Variants in UTRN observed in about 807,000 individuals in gnomAD.
UTRN encodes the protein dystrophin-related protein 1.
A neutral mutation model predicts 463.9 loss-of-function variants in UTRN; 283 were observed. The ratio of observed to expected loss-of-function variants is 0.61; its 90% CI spans 0.55 to 0.67. The LOEUF is 0.67. UTRN is among the 30% of genes least tolerant of loss of function. The pLI, the probability that UTRN is intolerant of heterozygous loss-of-function variation, is 0.00. For missense variants in UTRN, 3,922 were observed against 4,084.3 expected (o/e 0.96, Z 1.08); for synonymous variants, 1,442 against 1,431.5 (o/e 1.01, Z -0.17).
chr6:144,565,241 A>G (rs892219312), intron 50 of UTRN, among the ~76,000 whole-genome samples: 4 of 152,210 alleles, frequency 2.6e-5, no homozygotes, highest in African/African-American at 9.6e-5. Flanking sequence ...GAATTGGGAA[A>G]GGATGTGGGA....
chr6:144,536,602 C>T (rs1023408911), intron 43 of UTRN, among the ~76,000 whole-genome samples: 14 of 151,716 alleles, frequency 9.2e-5, no homozygotes, highest in Admixed American at 2.6e-4. Context: ...ATGTATTGCA[C>T]GATTATGTGA....
chr6:144,419,832 G>A (rs897749996), intron 3 of UTRN, among the ~76,000 whole-genome samples: 6 of 152,004 alleles, frequency 3.9e-5, no homozygotes, highest in African/African-American at 9.7e-5. Flanking sequence ...CTTACACATC[G>A]CACTGTAATT....
intron 51 of UTRN, among the ~76,000 whole-genome samples, chr6:144,672,252 G>A (rs1439528531): frequency 6.6e-6 from 1 of 151,208 alleles, no homozygotes; most frequent in Non-Finnish European, 1.5e-5. Context: ...TTCTTTGAAT[G>A]TCTGATAGAA....
intron 2 of UTRN, among the ~76,000 whole-genome samples, chr6:144,299,553 G>A (rs1805045470): frequency 6.6e-6 from 1 of 151,946 alleles, no homozygotes; most frequent in South Asian, 2.1e-4. Flanking sequence ...TTGGCCCATT[G>A]AACCAGAAGA....
At chr6:144,602,292 C>T (rs1180947890) in intron 51 of UTRN, among the ~76,000 whole-genome samples, 2 of 151,764 alleles carry the variant, frequency 1.3e-5, no homozygotes, top group Admixed American at 6.6e-5. Flanking sequence ...CCACCAGTCC[C>T]GGCTGATTTT....
At chr6:144,559,678 G>A (rs116023929) in intron 50 of UTRN, among the ~76,000 whole-genome samples, 1,645 of 151,968 alleles carry the variant, frequency 0.011, 25 homozygotes, top group African/African-American at 0.037. Flanking sequence ...TTACATTATC[G>A]CTTCCCTAAG....
chr6:144,334,981 A>G (rs1776613481), intron 2 of UTRN, among the ~76,000 whole-genome samples: 1 of 152,260 alleles, frequency 6.6e-6, no homozygotes, highest in South Asian at 2.1e-4. Context: ...AGAGATCTCT[A>G]AAAGTGAATA....
At chr6:144,370,291 G>C (rs967749626) in intron 2 of UTRN, among the ~76,000 whole-genome samples, 2 of 152,204 alleles carry the variant, frequency 1.3e-5, no homozygotes, top group Non-Finnish European at 2.9e-5. Flanking sequence ...GCTTTGTGCA[G>C]TCCTGGGACT....
At chr6:144,552,955 A>G (rs1225409257) in intron 48 of UTRN, among the ~76,000 whole-genome samples, 1 of 152,280 alleles carries the variant, frequency 6.6e-6, no homozygotes, top group Non-Finnish European at 1.5e-5. Flanking sequence ...CAGCTAAGAC[A>G]GAATGAAACA....
At position 144,700,358 on chromosome 6, in the gene UTRN, C is replaced by G. The variant is rs890625219; in HGVS notation, c.7809+115C>G. 4.4e-4 allele frequency: 530 copies of G among 1,191,866 alleles called. 1 individual carries two copies. The highest frequency in any genetic ancestry group is 5.5e-4 in the Non-Finnish European group (494 of 892,090). The allele number at this position is 1,191,866 out of a possible 1,614,324, so 73.8% of individuals were successfully genotyped here. A position where few individuals can be genotyped will look rare whatever the true frequency, so the allele number is the denominator to read the frequency against. On this transcript the variant is annotated intron_variant, in intron 53 of 74. Transcript: ENST00000367545. The stretch of plus-strand genomic sequence containing the variant: ...ACCAATTATCACAGGATTCCCCCCC[C>G]CACCACCGTCTGCTTTTAGTTGCCA...
intron 61 of UTRN, among the ~76,000 whole-genome samples, chr6:144,784,706 G>A (rs370757618): frequency 6.6e-6 from 1 of 152,198 alleles, no homozygotes; most frequent in African/African-American, 2.4e-5. Flanking sequence ...GTGAAATGCC[G>A]TGATTCATAT....
intron 1 of UTRN, among the ~76,000 whole-genome samples, chr6:144,291,242 T>G (rs1804217387): frequency 6.6e-6 from 1 of 152,214 alleles, no homozygotes; most frequent in African/African-American, 2.4e-5. Flanking sequence ...GGTACACTTG[T>G]CTCTTGGCTG....
At chr6:144,591,593 T>A (rs1191803232) in intron 51 of UTRN, among the ~76,000 whole-genome samples, 2 of 152,188 alleles carry the variant, frequency 1.3e-5, no homozygotes, top group African/African-American at 2.4e-5. Flanking sequence ...GAAGTCGTCT[T>A]TACTGTGAGT....
intron 54 of UTRN, among the ~76,000 whole-genome samples, chr6:144,746,742 G>A (rs1352653433): frequency 6.6e-6 from 1 of 152,154 alleles, no homozygotes; most frequent in African/African-American, 2.4e-5. Flanking sequence ...CTCCCAAAGT[G>A]CTGGGATTAC....
At chr6:144,686,984 T>C (rs1782833475) in intron 52 of UTRN, among the ~76,000 whole-genome samples, 1 of 152,144 alleles carries the variant, frequency 6.6e-6, no homozygotes, top group South Asian at 2.1e-4. Context: ...ACCCAGTGAG[T>C]TTTATGCTTT....
intron 50 of UTRN, among the ~76,000 whole-genome samples, chr6:144,573,480 G>T (rs532431708): frequency 6.6e-6 from 1 of 152,084 alleles, no homozygotes; most frequent in South Asian, 2.1e-4. Context: ...GATCACCTGA[G>T]GTCAAGAGTT....
chr6:144,421,672 G>C (rs1784844037), intron 3 of UTRN, among the ~76,000 whole-genome samples: 3 of 151,776 alleles, frequency 2.0e-5, no homozygotes, highest in East Asian at 1.9e-4. Flanking sequence ...CTGGGCGACA[G>C]AGTGAGACTC....
At position 144,678,444 on chromosome 6, in the gene UTRN, T is replaced by C; in HGVS notation, c.7518T>C (p.Phe2506=). 6.2e-7 allele frequency: 1 copy of C among 1,613,290 alleles called. No homozygotes were observed. Among genetic ancestry groups the C allele is most frequent in the Non-Finnish European group, 8.5e-7 (1 of 1,179,544 alleles). Residue 2506 remains phenylalanine (F), a synonymous_variant, in exon 52 of 75, where the codon TTT becomes TTC. Transcript: ENST00000367545. ...QAEIDAHNDI[F]KSIDGNRQKM... ...AAATTGATGCCCACAATGACATATT[T>C]AAAAGCATTGACGGAAACAGGCAGA...
intron 2 of UTRN, among the ~76,000 whole-genome samples, chr6:144,391,282 G>A (rs937023405): frequency 6.6e-6 from 1 of 152,046 alleles, no homozygotes; most frequent in Non-Finnish European, 1.5e-5. Flanking sequence ...GTGTTACCCA[G>A]GCTGATCTTG....
Sources: allele counts gnomAD v4.1 joint callset (sites outside exome capture counted in the v4.1 genomes callset), GRCh38; gene constraint gnomAD v4.1.1; transcripts MANE v1.5; gene names NCBI Gene and HGNC (gene_info 2026-07-23, HGNC 2026-07-21).